The following CAMTA1 variants were observed in gnomAD, a reference collection of about 807,000 sequenced individuals.
CAMTA1 encodes the protein calmodulin binding transcription activator 1, also known as calmodulin-binding transcription activator 1.
A neutral mutation model predicts 170.9 loss-of-function variants in CAMTA1; 27 were observed. That is an observed-to-expected ratio of 0.16 (90% CI 0.12 to 0.22). The LOEUF (loss-of-function observed/expected upper bound fraction) is 0.22. Among genes scored for constraint, CAMTA1 ranks in the 10% least tolerant of loss-of-function variants. CAMTA1 has a pLI of 1.00. For missense variants in CAMTA1, 1,619 were observed against 2,217.2 expected (o/e 0.73, Z 5.42); for synonymous variants, 833 against 891.5 (o/e 0.93, Z 1.17).
intron 6 of CAMTA1, among the ~76,000 whole-genome samples, chr1:7,475,509 C>A (rs2093406341): frequency 6.6e-6 from 1 of 152,196 alleles, no homozygotes; most frequent in South Asian, 2.1e-4. Context: ...CCTGCCAGAC[C>A]CTCTGCGCAC....
chr1:7,391,919 A>G (rs1369090289), intron 5 of CAMTA1, among the ~76,000 whole-genome samples: 1 of 152,182 alleles, frequency 6.6e-6, no homozygotes, highest in East Asian at 1.9e-4. Context: ...CTATTGAAGG[A>G]TGTCTGGGCT....
Position 7,735,460 on chromosome 1 carries a change from GAAAA to G in CAMTA1, c.3067-881_3067-878del, listed in dbSNP as rs954079854. ...ACTCTGTCTCAAAAAAAAAAAAAAAGAAAAAAGAAGAAGAAGAAAGAGAGTGAAA... is the reference window on the plus strand; with the variant it reads ...ACTCTGTCTCAAAAAAAAAAAAAAAGAAGAAGAAGAAGAAAGAGAGTGAAA... On this transcript the variant is annotated intron_variant, in intron 12 of 22. Transcript: ENST00000303635. 2.7e-5 allele frequency among the ~76,000 whole-genome samples: 4 copies of G among 146,228 alleles called. No homozygotes were observed. In the South Asian group the frequency reaches 6.6e-4, roughly 24 times the overall value.
chr1:7,447,352 G>A (rs2092705362), intron 5 of CAMTA1, among the ~76,000 whole-genome samples: 1 of 151,646 alleles, frequency 6.6e-6, no homozygotes, highest in Admixed American at 6.6e-5. Flanking sequence ...GGGAGAGTAG[G>A]GGAGGGAAGC....
rs550006638 is a variant in CAMTA1, at chr1:7,286,276, T to C, written c.438+36650T>C. ...CATCTGGTGGAGTTGATGGCACAGG[T>C]GGAGGGGCGGAGGCGCCAGGGTGTG... On this transcript the variant is annotated intron_variant, in intron 5 of 22. Transcript: ENST00000303635. The surrounding 1 kb of genome is among the most constrained non-coding windows in gnomAD (Gnocchi z 4.2). 2.2e-4 allele frequency among the ~76,000 whole-genome samples: 33 copies of C among 152,070 alleles called. No homozygotes were observed. The highest frequency in any genetic ancestry group is 7.7e-4 in the African/African-American group (32 of 41,492).
chr1:7,550,261 A>T (rs1270729426), intron 6 of CAMTA1, among the ~76,000 whole-genome samples: 1 of 152,094 alleles, frequency 6.6e-6, no homozygotes, highest in Non-Finnish European at 1.5e-5. Flanking sequence ...TTAAATGCAG[A>T]TCTTTCTTTG....
chr1:7,040,606 G>A (rs1704289474), intron 3 of CAMTA1, among the ~76,000 whole-genome samples: 1 of 152,112 alleles, frequency 6.6e-6, no homozygotes, highest in African/African-American at 2.4e-5. Context: ...GTACCCGTAA[G>A]CAGGGAGTCA....
In CAMTA1 at chr1:7,680,069, G is replaced by A. The variant is rs2096172360; in HGVS notation, c.2914+2336G>A. ...CACCAGCTTGATAAATACTAAGGGA[G>A]GGGAGGGGAAGCAGCGCCGCAGTCG... On this transcript the variant is annotated intron_variant, in intron 11 of 22. Transcript: ENST00000303635. This position sits in a 1 kb window ranked among gnomAD's most constrained non-coding sequence, Gnocchi z 4.4. 1 of 162,002 alleles carries A rather than the reference G, an allele frequency of 6.2e-6. No homozygotes were observed. Among genetic ancestry groups the A allele is most frequent in the African/African-American group, 2.4e-5 (1 of 41,544 alleles). The allele number at this position is 162,002 out of a possible 1,614,324, so 10.0% of individuals were successfully genotyped here.
chr1:6,848,466 C>T (rs1187818936), intron 3 of CAMTA1, among the ~76,000 whole-genome samples: 2 of 152,194 alleles, frequency 1.3e-5, no homozygotes, highest in Non-Finnish European at 2.9e-5. Flanking sequence ...ACAGTTTAAT[C>T]AGAAGAGGAA....
At chr1:7,405,697 G>C (rs2090235214) in intron 5 of CAMTA1, among the ~76,000 whole-genome samples, 1 of 152,118 alleles carries the variant, frequency 6.6e-6, no homozygotes, top group South Asian at 2.1e-4. Flanking sequence ...TCTTGAACAT[G>C]TGAGTTATTT....
At chr1:7,320,251 GTATT>G (rs1678174373) in intron 5 of CAMTA1, among the ~76,000 whole-genome samples, 1 of 152,146 alleles carries the variant, frequency 6.6e-6, no homozygotes. Flanking sequence ...GTTTTAGTAT[GTATT>G]CTTTATCAGA....
intron 3 of CAMTA1, among the ~76,000 whole-genome samples, chr1:6,942,077 CTTTTT>C (rs59205326): frequency 6.8e-6 from 1 of 147,352 alleles, no homozygotes; most frequent in African/African-American, 2.5e-5. Flanking sequence ...TTTCTTTTTT[CTTTTT>C]TTTTTTAAAG....
Position 7,456,435 on chromosome 1 carries a change from T to C in CAMTA1, c.439-11395T>C, listed in dbSNP as rs2092955531. 6.6e-6 allele frequency among the ~76,000 whole-genome samples: 1 copy of C among 152,230 alleles called. No homozygotes were observed. The highest frequency in any genetic ancestry group is 2.4e-5 in the African/African-American group (1 of 41,456). On this transcript the variant is annotated intron_variant, in intron 5 of 22. Transcript: ENST00000303635. The surrounding 1 kb of genome is among the most constrained non-coding windows in gnomAD (Gnocchi z 4.9). Reference sequence around the variant, plus strand: ...GAAAGAGAGGGAATTTCACTTTATTTATATATTATTTATGCCCAGTACTTT... The same window carrying C: ...GAAAGAGAGGGAATTTCACTTTATTCATATATTATTTATGCCCAGTACTTT...
intron 3 of CAMTA1, among the ~76,000 whole-genome samples, chr1:7,047,115 G>A (rs1359859852): frequency 2.0e-5 from 3 of 152,142 alleles, no homozygotes; most frequent in African/African-American, 7.2e-5. Context: ...GTGCTGAGGT[G>A]GAGGCTCCAG....
At chr1:6,882,897 G>A (rs546507705) in intron 3 of CAMTA1, among the ~76,000 whole-genome samples, 2 of 152,000 alleles carry the variant, frequency 1.3e-5, no homozygotes, top group African/African-American at 4.8e-5. Flanking sequence ...GGAGATGGGG[G>A]TGTCCTGGAA....
At chr1:7,327,776 C>T (rs991189883) in intron 5 of CAMTA1, among the ~76,000 whole-genome samples, 6 of 152,214 alleles carry the variant, frequency 3.9e-5, no homozygotes, top group Non-Finnish European at 8.8e-5. Flanking sequence ...GACCTTCCTT[C>T]TGGGATCATT....
chr1:7,449,395 G>A (rs1022491218), intron 5 of CAMTA1, among the ~76,000 whole-genome samples: 13 of 152,214 alleles, frequency 8.5e-5, no homozygotes, highest in African/African-American at 3.1e-4. Flanking sequence ...GGGTAGGCAA[G>A]GATGCTGGCA....
chr1:7,549,236 G>A lies in CAMTA1; in HGVS notation c.510+81335G>A, dbSNP rs560753123. On this transcript the variant is annotated intron_variant, in intron 6 of 22. Transcript: ENST00000303635. ...CTTAGGGGTGGAGGCACCCATGCAG[G>A]GTCCCTCTTAGGGGTGGAGGTGCCC... Among the ~76,000 whole-genome samples, 5 of 151,654 alleles carry A rather than the reference G, an allele frequency of 3.3e-5. No homozygotes were observed. The East Asian group carries it at 9.8e-4, about 30-fold the overall frequency.
chr1:6,977,271 C>T (rs1050690781), intron 3 of CAMTA1, among the ~76,000 whole-genome samples: 17 of 151,968 alleles, frequency 1.1e-4, no homozygotes, highest in African/African-American at 3.6e-4. Context: ...CAGCTCTTGC[C>T]GCATACTTCT....
intron 3 of CAMTA1, among the ~76,000 whole-genome samples, chr1:6,869,408 C>G (rs1557733606): frequency 6.6e-6 from 1 of 152,190 alleles, no homozygotes; most frequent in African/African-American, 2.4e-5. Context: ...AGCATTATTT[C>G]TGTGGGAAAA....
Sources: allele counts gnomAD v4.1 joint callset (sites outside exome capture counted in the v4.1 genomes callset), GRCh38; gene constraint gnomAD v4.1.1; non-coding constraint Gnocchi (gnomAD v3.1); transcripts MANE v1.5; gene names NCBI Gene and HGNC (gene_info 2026-07-23, HGNC 2026-07-21).